PCDH15: variants seen among roughly 807,000 people sequenced by gnomAD.
PCDH15 encodes protocadherin related 15.
Under a neutral mutation model 178.5 loss-of-function variants are expected in PCDH15, and 129 were observed. The observed-to-expected ratio is 0.72, with a 90% CI of 0.63 to 0.84. The LOEUF is 0.84. Among genes scored for constraint, PCDH15 ranks in the 40% least tolerant of loss-of-function variants. PCDH15 has a pLI of 0.00. For synonymous variants in PCDH15, 800 were observed against 732.0 expected, an observed-to-expected ratio of 1.09 and a Z score of -1.50; for missense variants, 2,230 against 2,099.9, an observed-to-expected ratio of 1.06 and a Z score of -1.21.
chr10:55,167,621 A>G (rs1821815713), intron 1 of PCDH15, among the ~76,000 whole-genome samples: 1 of 152,176 alleles, frequency 6.6e-6, no homozygotes, highest in African/African-American at 2.4e-5. Context: ...TTTGATTTCA[A>G]AGTTAGAGAA....
intron 2 of PCDH15, among the ~76,000 whole-genome samples, chr10:55,377,070 G>T (rs768637353): frequency 6.7e-6 from 1 of 149,178 alleles, no homozygotes; most frequent in African/African-American, 2.5e-5. Context: ...TAGAATATTA[G>T]TTCATATATT....
intron 3 of PCDH15, among the ~76,000 whole-genome samples, chr10:54,493,503 T>C (rs2079809095): frequency 6.6e-6 from 1 of 152,094 alleles, no homozygotes; most frequent in African/African-American, 2.4e-5. Flanking sequence ...TGCTCTTTGA[T>C]TGTGAACTTT....
chr10:54,305,345 T>C (rs1321806800), intron 8 of PCDH15, among the ~76,000 whole-genome samples: 1 of 151,950 alleles, frequency 6.6e-6, no homozygotes, highest in Admixed American at 6.6e-5. Context: ...TTTTGAACAG[T>C]GAAGCACTTT....
intron 1 of PCDH15, among the ~76,000 whole-genome samples, chr10:54,682,774 C>T (rs1222052039): frequency 1.3e-5 from 2 of 152,152 alleles, no homozygotes; most frequent in Admixed American, 6.6e-5. Context: ...AAGTTCTTAA[C>T]TGAGTCGTAA....
chr10:55,190,215 A>G (rs1193618498), intron 1 of PCDH15, among the ~76,000 whole-genome samples: 1 of 151,748 alleles, frequency 6.6e-6, no homozygotes, highest in East Asian at 1.9e-4. Context: ...TGGCAATGAC[A>G]GTCAGAATAG....
intron 1 of PCDH15, among the ~76,000 whole-genome samples, chr10:54,671,312 A>C (rs2135505750): frequency 6.6e-6 from 1 of 152,304 alleles, no homozygotes; most frequent in Middle Eastern, 3.4e-3. Context: ...TAAGAAACAC[A>C]AATAAATTAA....
At chr10:55,516,469 A>G (rs1841014992) in intron 2 of PCDH15, among the ~76,000 whole-genome samples, 2 of 152,158 alleles carry the variant, frequency 1.3e-5, no homozygotes, top group South Asian at 4.1e-4. Context: ...CTCATCAATC[A>G]AAAACTAAAG....
At chr10:55,107,838 G>T (rs1462919847) in intron 2 of PCDH15, among the ~76,000 whole-genome samples, 1 of 149,932 alleles carries the variant, frequency 6.7e-6, no homozygotes, top group African/African-American at 2.5e-5. Flanking sequence ...GAATCAATTT[G>T]CTTTCTGTTT....
intron 7 of PCDH15, among the ~76,000 whole-genome samples, chr10:54,325,590 C>T (rs996846540): frequency 6.6e-6 from 1 of 151,926 alleles, no homozygotes; most frequent in South Asian, 2.1e-4. Context: ...TTCTACTACA[C>T]ATCCAAAAAT....
intron 2 of PCDH15, chr10:54,528,409 T>A (rs764385979): frequency 6.4e-7 from 1 of 1,573,436 alleles, no homozygotes; most frequent in South Asian, 1.2e-5. Context: ...CAGTCTGGAG[T>A]CAAAAGTATA....
At chr10:54,052,138 A>G (rs913399540) in intron 18 of PCDH15, among the ~76,000 whole-genome samples, 1 of 152,224 alleles carries the variant, frequency 6.6e-6, no homozygotes, top group African/African-American at 2.4e-5. Flanking sequence ...ACGGTAGTGC[A>G]GAAAGGAAAC....
In PCDH15 at chr10:54,236,883, G is replaced by T. The variant is rs762029000; in HGVS notation, c.925C>A (p.Gln309Lys). The T allele has an allele frequency of 1.3e-5, 21 of 1,613,516 alleles. No individual in the cohort carries two copies. Among genetic ancestry groups the T allele is most frequent in the Non-Finnish European group, 1.8e-5 (21 of 1,179,702 alleles). Residue 309 changes from glutamine to lysine, a missense_variant, in exon 9 of 38, where the codon CAG becomes AAG. By Grantham distance (53) the Gln-to-Lys change is moderately conservative. Coordinates refer to ENST00000644397, the MANE Select transcript of PCDH15 (RefSeq NM_001384140.1). ...IVTPPIQAIDQDRNIQPPSDR... is the reference protein window; with the variant it reads ...IVTPPIQAIDKDRNIQPPSDR... Reference sequence around the variant, plus strand: ...GATGGCGGTTGAATATTCCGGTCCTGATCAATGGCTTGGATTGGTGGCGTA... The same window carrying T: ...GATGGCGGTTGAATATTCCGGTCCTTATCAATGGCTTGGATTGGTGGCGTA...
In PCDH15 at chr10:55,279,798, T is replaced by C. The variant is rs568746608; in HGVS notation, c.-156+39801A>G. Among the ~76,000 whole-genome samples the C allele has an allele frequency of 2.0e-5, 3 of 152,316 alleles. No individual in the cohort carries two copies. In the East Asian group the frequency reaches 5.8e-4, roughly 29 times the overall value. On this transcript the variant is annotated intron_variant, in intron 1 of 5. Coordinates refer to the PCDH15 transcript ENST00000458638. ...TAAGGACTGAGCCCATGAGTGATCA[T>C]ATTGAGGTCCTCATGGCTATTTAGG...
At chr10:55,043,937 T>C (rs930070165) in intron 2 of PCDH15, among the ~76,000 whole-genome samples, 1 of 151,888 alleles carries the variant, frequency 6.6e-6, no homozygotes, top group Non-Finnish European at 1.5e-5. Context: ...ACATCAAAGA[T>C]TGAACGGTAA....
chr10:54,907,489 A>G (rs1954745434), intron 2 of PCDH15, among the ~76,000 whole-genome samples: 1 of 152,140 alleles, frequency 6.6e-6, no homozygotes, highest in Non-Finnish European at 1.5e-5. Context: ...TACTGAACTT[A>G]GTATTTATCC....
chr10:55,210,900 A>G (rs1840554267), intron 1 of PCDH15, among the ~76,000 whole-genome samples: 1 of 151,920 alleles, frequency 6.6e-6, no homozygotes, highest in South Asian at 2.1e-4. Context: ...TGCTGGGATT[A>G]CAGGCGTGAA....
chr10:55,310,504 C>T (rs910314797), intron 1 of PCDH15, among the ~76,000 whole-genome samples: 9 of 152,002 alleles, frequency 5.9e-5, no homozygotes, highest in African/African-American at 2.2e-4. Context: ...AATTTTGAAT[C>T]TGAACTGGTA....
At chr10:55,306,624 A>T (rs1843432772) in intron 1 of PCDH15, among the ~76,000 whole-genome samples, 1 of 152,208 alleles carries the variant, frequency 6.6e-6, no homozygotes, top group Non-Finnish European at 1.5e-5. Context: ...AGAAGTTACC[A>T]TTTAATTTAA....
At chr10:54,407,555 CA>C (rs1282970393) in intron 3 of PCDH15, among the ~76,000 whole-genome samples, 18 of 152,070 alleles carry the variant, frequency 1.2e-4, no homozygotes, top group Admixed American at 1.2e-3. Flanking sequence ...AAGCATTTGT[CA>C]CATGTTTTTG....
Sources: allele counts gnomAD v4.1 joint callset (sites outside exome capture counted in the v4.1 genomes callset), GRCh38; gene constraint gnomAD v4.1.1; transcripts MANE v1.5; gene names NCBI Gene and HGNC (gene_info 2026-07-23, HGNC 2026-07-21).